The following RARB variants were observed in gnomAD, a reference collection of about 807,000 sequenced individuals.
RARB encodes the protein HBV-activated protein.
Under a neutral mutation model 51.9 loss-of-function variants are expected in RARB, and 17 were observed. The ratio of observed to expected loss-of-function variants is 0.33; its 90% confidence interval spans 0.22 to 0.49. The LOEUF is 0.49. RARB is among the 20% of genes least tolerant of loss of function. The pLI is 0.99. For missense variants in RARB, 369 were observed against 550.8 expected, an observed-to-expected ratio of 0.67 and a Z score of 3.30; for synonymous variants, 215 against 195.4, an observed-to-expected ratio of 1.10 and a Z score of -0.84.
chr3:25,594,853 AAC>A (rs1553637768), intron 7 of RARB, among the ~76,000 whole-genome samples, 175 bp downstream of exon 7: 3 of 151,490 alleles, frequency 2.0e-5, no homozygotes, highest in Non-Finnish European at 2.9e-5. Flanking sequence ...AAAAAAAAAA[AAC>A]ACCTCAAATC....
chr3:25,101,649 GT>G (rs373919940), intron 3 of RARB, among the ~76,000 whole-genome samples: 3,165 of 138,748 alleles, frequency 0.023, 100 homozygotes, highest in East Asian at 0.074. Context: ...AAATCTTTAT[GT>G]TTTTTTTTTT....
chr3:25,489,118 A>T (rs1017011927), intron 2 of RARB, among the ~76,000 whole-genome samples: 12 of 152,258 alleles, frequency 7.9e-5, no homozygotes, highest in African/African-American at 2.7e-4. Flanking sequence ...GTGTATTTTC[A>T]TATAGCATGG....
chr3:25,564,775 C>T (rs974881326), intron 3 of RARB, among the ~76,000 whole-genome samples: 8 of 152,112 alleles, frequency 5.3e-5, no homozygotes, highest in African/African-American at 9.7e-5. Flanking sequence ...GTGTTTGCTC[C>T]TCTCTTTGCC....
intron 2 of RARB, among the ~76,000 whole-genome samples, chr3:24,984,983 G>T (rs1214817888): frequency 6.6e-6 from 1 of 152,124 alleles, no homozygotes; most frequent in East Asian, 1.9e-4. Context: ...TTTTTCGACT[G>T]GAAAGTGGGA....
intron 5 of RARB, among the ~76,000 whole-genome samples, chr3:25,200,140 A>G (rs1035106904): frequency 6.6e-6 from 1 of 152,166 alleles, no homozygotes; most frequent in Non-Finnish European, 1.5e-5. Context: ...TCTCCATTCT[A>G]ACTGGTGTGA....
chr3:25,141,935 A>G (rs1302063189), intron 4 of RARB, among the ~76,000 whole-genome samples: 1 of 152,226 alleles, frequency 6.6e-6, no homozygotes, highest in Non-Finnish European at 1.5e-5. Context: ...GGAAATACTT[A>G]CTAATACTCA....
intron 2 of RARB, among the ~76,000 whole-genome samples, chr3:25,056,692 A>G (rs1313716899): frequency 6.6e-6 from 1 of 152,156 alleles, no homozygotes; most frequent in East Asian, 1.9e-4. Flanking sequence ...ATCATATGAT[A>G]TACATACCTG....
At chr3:24,923,932 A>T (rs1695267539) in intron 2 of RARB, among the ~76,000 whole-genome samples, 1 of 152,192 alleles carries the variant, frequency 6.6e-6, no homozygotes, top group Non-Finnish European at 1.5e-5. Flanking sequence ...AGATATTTCA[A>T]CAGAATGAAA....
chr3:25,083,422 T>G (rs1421385115), intron 3 of RARB, among the ~76,000 whole-genome samples: 1 of 136,418 alleles, frequency 7.3e-6, no homozygotes, highest in Non-Finnish European at 1.6e-5. Context: ...ATTTGAAGTC[T>G]GCTAATGTTC....
intron 4 of RARB, among the ~76,000 whole-genome samples, chr3:25,146,515 T>G (rs28534915): frequency 0.18 from 26,224 of 141,968 alleles, 3,104 homozygotes; most frequent in African/African-American, 0.27. Flanking sequence ...TTGTTTGTTT[T>G]TTTTTTTTTG....
intron 1 of RARB, among the ~76,000 whole-genome samples, chr3:25,450,770 G>A (rs1308084424): frequency 6.6e-6 from 1 of 152,096 alleles, no homozygotes; most frequent in African/African-American, 2.4e-5. Flanking sequence ...TGTCCCGTGA[G>A]AGACAAAATG....
At chr3:25,183,030 G>A (rs1700894282) in intron 5 of RARB, among the ~76,000 whole-genome samples, 1 of 152,078 alleles carries the variant, frequency 6.6e-6, no homozygotes, top group African/African-American at 2.4e-5. Flanking sequence ...CCAGCACCTT[G>A]GTTTTGGACT....
intron 5 of RARB, among the ~76,000 whole-genome samples, chr3:25,590,076 A>G (rs1357592645): frequency 2.0e-5 from 3 of 152,164 alleles, no homozygotes; most frequent in Non-Finnish European, 4.4e-5. Flanking sequence ...TCCTCAGATA[A>G]AAGAAGACAT....
At chr3:25,070,351 G>A (rs985521451) in intron 3 of RARB, among the ~76,000 whole-genome samples, 6 of 152,166 alleles carry the variant, frequency 3.9e-5, no homozygotes, top group Admixed American at 3.9e-4. Context: ...GGGTAGGAGG[G>A]AAGAGCGAGT....
chr3:25,513,826 G>A (rs1402917130), intron 3 of RARB, among the ~76,000 whole-genome samples: 4 of 152,108 alleles, frequency 2.6e-5, no homozygotes, highest in African/African-American at 9.7e-5. Context: ...AAGGGAGAGA[G>A]GGAGAAACCA....
intron 5 of RARB, among the ~76,000 whole-genome samples, chr3:25,214,692 T>A (rs1038750286): frequency 6.6e-6 from 1 of 152,210 alleles, no homozygotes; most frequent in African/African-American, 2.4e-5. Flanking sequence ...AAGGGAATTA[T>A]AAGATGAAAG....
rs141574347 is a variant in RARB, at chr3:25,293,333, T to A, written c.178+118758T>A. ...TGTCATTTGTAAGATGAGGCTATAA[T>A]AATACCTACTTCATAAAGTCCTTAA... On this transcript the variant is annotated intron_variant, in intron 5 of 11. Transcript: ENST00000383772. Among the ~76,000 whole-genome samples, 583 of 152,236 alleles carry A rather than the reference T, an allele frequency of 3.8e-3. 3 individuals carry two copies. The highest frequency in any genetic ancestry group is 6.5e-3 in the Admixed American group (99 of 15,276).
chr3:25,207,855 G>C (rs901053890), intron 5 of RARB, among the ~76,000 whole-genome samples: 1 of 152,180 alleles, frequency 6.6e-6, no homozygotes, highest in Non-Finnish European at 1.5e-5. Flanking sequence ...GTAATTTATA[G>C]AGAAAAGAGA....
intron 3 of RARB, among the ~76,000 whole-genome samples, chr3:25,551,620 G>A (rs1575511177): frequency 6.6e-6 from 1 of 152,312 alleles, no homozygotes; most frequent in East Asian, 1.9e-4. Flanking sequence ...GGTCACATCT[G>A]ACGCTTAGGA....
Sources: allele counts gnomAD v4.1 joint callset (sites outside exome capture counted in the v4.1 genomes callset), GRCh38; gene constraint gnomAD v4.1.1; transcripts MANE v1.5; gene names NCBI Gene and HGNC (gene_info 2026-07-23, HGNC 2026-07-21).